OSBPL10: variants seen among roughly 807,000 people sequenced by gnomAD.
The protein encoded by OSBPL10 is oxysterol binding protein like 10, also known as oxysterol-binding protein-related protein 10.
In OSBPL10, 49 loss-of-function variants were observed where a neutral mutation model predicts 81.7. The observed-to-expected ratio is 0.60, with a 90% CI of 0.48 to 0.76. The LOEUF is 0.76. OSBPL10 is among the 30% of genes least tolerant of loss of function. The pLI is 0.00. For missense variants in OSBPL10, 923 were observed against 987.8 expected (o/e 0.93, Z 0.88); for synonymous variants, 419 against 383.6 (o/e 1.09, Z -1.08).
chr3:31,826,955 C>T (rs983138504), intron 4 of OSBPL10, among the ~76,000 whole-genome samples: 1 of 152,150 alleles, frequency 6.6e-6, no homozygotes. Context: ...TATATGTCAA[C>T]AATCTTACTT....
At chr3:31,759,197 C>G (rs550713027) in intron 4 of OSBPL10, among the ~76,000 whole-genome samples, 6 of 152,268 alleles carry the variant, frequency 3.9e-5, no homozygotes, top group African/African-American at 1.4e-4. Context: ...TGCCACTGTC[C>G]AACAGAAGGA....
intron 4 of OSBPL10, among the ~76,000 whole-genome samples, chr3:31,753,358 T>C (rs540753369): frequency 1.3e-5 from 2 of 152,172 alleles, no homozygotes; most frequent in East Asian, 3.9e-4. Context: ...GCTAATTTTG[T>C]ATGTTTAGTA....
chr3:32,002,438 A>G (rs1168570007), intron 2 of OSBPL10, among the ~76,000 whole-genome samples: 1 of 152,232 alleles, frequency 6.6e-6, no homozygotes, highest in African/African-American at 2.4e-5. Flanking sequence ...ACAGACTCAA[A>G]GCAAGATAGG....
chr3:31,956,548 G>T (rs1477055009), intron 1 of OSBPL10, among the ~76,000 whole-genome samples: 1 of 151,666 alleles, frequency 6.6e-6, no homozygotes, highest in African/African-American at 2.4e-5. Flanking sequence ...GCGAAACCCT[G>T]TCTCTACTAA....
intron 1 of OSBPL10, among the ~76,000 whole-genome samples, chr3:31,954,288 A>T (rs1697950506): frequency 1.3e-5 from 2 of 152,116 alleles, no homozygotes; most frequent in African/African-American, 4.8e-5. Flanking sequence ...AAGCCCCTCA[A>T]CTCTAATCCT....
intron 4 of OSBPL10, among the ~76,000 whole-genome samples, chr3:31,790,396 C>A (rs1201181610): frequency 2.0e-5 from 3 of 152,168 alleles, no homozygotes; most frequent in Non-Finnish European, 2.9e-5. Context: ...AACCCATGAA[C>A]CCCTGAGTAT....
chr3:31,764,336 T>A (rs1207512949), intron 4 of OSBPL10, among the ~76,000 whole-genome samples: 1 of 152,232 alleles, frequency 6.6e-6, no homozygotes, highest in African/African-American at 2.4e-5. Flanking sequence ...TGCCAAACTC[T>A]TTCTGGGCAG....
intron 4 of OSBPL10, among the ~76,000 whole-genome samples, chr3:31,801,337 A>G (rs6550071): frequency 0.95 from 144,426 of 152,272 alleles, 68,527 homozygotes; most frequent in East Asian, 1. Flanking sequence ...CCACACATGC[A>G]GAGGAAGGAA....
intron 4 of OSBPL10, among the ~76,000 whole-genome samples, chr3:31,825,251 G>A (rs1370019614): frequency 6.6e-6 from 1 of 152,208 alleles, no homozygotes; most frequent in African/African-American, 2.4e-5. Context: ...GATTGACAAT[G>A]GCAATGGAGG....
intron 7 of OSBPL10, among the ~76,000 whole-genome samples, 192 bp from the exon 8 acceptor site, chr3:31,684,306 C>G (rs1700736665): frequency 6.6e-6 from 1 of 152,216 alleles, no homozygotes; most frequent in African/African-American, 2.4e-5. Context: ...GCAGTGGAAT[C>G]AACGAGAGCC....
chr3:31,662,875 T>A, intron 11 of OSBPL10: 11 of 985,474 alleles, frequency 1.1e-5, no homozygotes, highest in Non-Finnish European at 1.1e-5. Flanking sequence ...CACAGAAGGA[T>A]CTTTCAAGGT....
chr3:31,881,533 T>TA (rs531322617), intron 1 of OSBPL10, among the ~76,000 whole-genome samples: 2,543 of 151,378 alleles, frequency 0.017, 36 homozygotes, highest in Non-Finnish European at 0.025. Context: ...TGCTACGATT[T>TA]AAAAAAAAAC....
At chr3:31,857,823 A>T (rs1241873461) in intron 3 of OSBPL10, among the ~76,000 whole-genome samples, 8 of 34,400 alleles carry the variant, frequency 2.3e-4, no homozygotes, top group African/African-American at 5.2e-4. Context: ...AGAAAGGGAG[A>T]GGGAGAGGGA....
intron 2 of OSBPL10, among the ~76,000 whole-genome samples, chr3:31,999,724 GC>G (rs1372541997): frequency 2.6e-5 from 4 of 152,058 alleles, no homozygotes. Flanking sequence ...AGAAAATATG[GC>G]TGCCTCTGCT....
chr3:31,673,338 A>G (rs1700374434), intron 8 of OSBPL10, among the ~76,000 whole-genome samples: 1 of 152,242 alleles, frequency 6.6e-6, no homozygotes, highest in African/African-American at 2.4e-5. Context: ...TTGAGAAGAC[A>G]GCCTAAAGCA....
chr3:32,074,032 T>A (rs1699854395), intron 1 of OSBPL10, among the ~76,000 whole-genome samples: 1 of 152,148 alleles, frequency 6.6e-6, no homozygotes, highest in African/African-American at 2.4e-5. Context: ...CTGCCGCCAA[T>A]CCTTCTCTAG....
At chr3:31,796,066 A>C (rs1489568305) in intron 4 of OSBPL10, 1 of 176,394 alleles carries the variant, frequency 5.7e-6, no homozygotes, top group Non-Finnish European at 1.3e-5. Context: ...CTCCAGTCTC[A>C]AGAAACACAT....
At chr3:31,769,733 A>G (rs1698320674) in intron 4 of OSBPL10, among the ~76,000 whole-genome samples, 1 of 152,056 alleles carries the variant, frequency 6.6e-6, no homozygotes, top group Non-Finnish European at 1.5e-5. Flanking sequence ...CAACCTTTTC[A>G]CCACTAAGGA....
intron 4 of OSBPL10, among the ~76,000 whole-genome samples, chr3:31,801,771 C>A (rs1486346563): frequency 6.6e-6 from 1 of 152,108 alleles, no homozygotes; most frequent in Admixed American, 6.5e-5. Flanking sequence ...AGGTTATGGT[C>A]AGACTATCAC....
Sources: gnomAD v4.1 joint callset for allele counts (sites outside exome capture counted in the v4.1 genomes callset) on GRCh38, gnomAD v4.1.1 for gene constraint, MANE v1.5 for transcripts, NCBI Gene and HGNC (gene_info 2026-07-23, HGNC 2026-07-21) for gene names.